CYTH3: variants seen among roughly 807,000 people sequenced by gnomAD.
CYTH3 encodes the protein cytohesin-3.
In CYTH3, 23 loss-of-function variants were observed where a neutral mutation model predicts 55.1. That is an observed-to-expected ratio of 0.42 (90% confidence interval 0.30 to 0.59). The LOEUF (loss-of-function observed/expected upper bound fraction) is 0.59, where lower values mean the gene tolerates loss of function less well. Ranked by LOEUF, CYTH3 falls within the 20% of genes least tolerant of loss-of-function variation. The probability of loss-of-function intolerance (pLI) is 0.20; values close to 1 mark genes in which losing one functional copy is unlikely to be tolerated. For synonymous variants in CYTH3, 249 were observed against 194.9 expected, an observed-to-expected ratio of 1.28 and a Z score of -2.31; for missense variants, 413 against 524.8, an observed-to-expected ratio of 0.79 and a Z score of 2.08.
At chr7:6,202,041 T>A (rs948995352) in intron 1 of CYTH3, among the ~76,000 whole-genome samples, 1 of 152,196 alleles carries the variant, frequency 6.6e-6, no homozygotes, top group Non-Finnish European at 1.5e-5. Flanking sequence ...ATTTTGAGGT[T>A]CCTCCTCTCA....
chr7:6,172,770 C>A, intron 6 of CYTH3: 13 of 1,264,382 alleles, frequency 1.0e-5, no homozygotes, highest in Non-Finnish European at 1.3e-5. Flanking sequence ...CTTCCAGAAA[C>A]GCAATCTGAT....
At chr7:6,235,602 C>T (rs1401673230) in intron 1 of CYTH3, among the ~76,000 whole-genome samples, 1 of 152,108 alleles carries the variant, frequency 6.6e-6, no homozygotes, top group Non-Finnish European at 1.5e-5. Flanking sequence ...CCGTACTTCT[C>T]AGAAACCTAC....
At chr7:6,179,060 C>T (rs1376092344) in intron 4 of CYTH3, among the ~76,000 whole-genome samples, 2 of 152,214 alleles carry the variant, frequency 1.3e-5, no homozygotes, top group African/African-American at 2.4e-5. Flanking sequence ...CATACCCTCA[C>T]GGTCCATCCA....
chr7:6,208,482 C>A (rs566100274), intron 1 of CYTH3, among the ~76,000 whole-genome samples: 11 of 152,240 alleles, frequency 7.2e-5, no homozygotes, highest in Non-Finnish European at 1.3e-4. Context: ...AAGGACATAG[C>A]CAGCTCCTTG....
At chr7:6,259,772 T>TATATATATAATA (rs1491219669) in intron 1 of CYTH3, among the ~76,000 whole-genome samples, 4 of 30,502 alleles carry the variant, frequency 1.3e-4, no homozygotes, top group Admixed American at 1.2e-3. Context: ...TATATATATA[T>TATATATATAATA]TATATATATA....
intron 1 of CYTH3, among the ~76,000 whole-genome samples, chr7:6,230,948 A>T (rs1416786011): frequency 6.6e-6 from 1 of 152,212 alleles, no homozygotes; most frequent in East Asian, 1.9e-4. Flanking sequence ...TTTCATCTTG[A>T]AATCAGTGAT....
intron 1 of CYTH3, among the ~76,000 whole-genome samples, chr7:6,197,856 C>T (rs1783970470): frequency 6.6e-6 from 1 of 152,086 alleles, no homozygotes; most frequent in Non-Finnish European, 1.5e-5. Context: ...CTTTGGGAAG[C>T]CAAAGCCAGA....
chr7:6,234,091 A>G (rs1779457725), intron 1 of CYTH3, among the ~76,000 whole-genome samples: 1 of 152,228 alleles, frequency 6.6e-6, no homozygotes, highest in Admixed American at 6.5e-5. Context: ...TTTGGAGTAC[A>G]TTAATATTCA....
At chr7:6,243,228 C>A (rs779477645) in intron 1 of CYTH3, among the ~76,000 whole-genome samples, 1 of 152,162 alleles carries the variant, frequency 6.6e-6, no homozygotes, top group East Asian at 1.9e-4. Context: ...GCAAACTGCC[C>A]TTGGTAAGAT....
At chr7:6,262,043 CAAT>C (rs1780365684) in intron 1 of CYTH3, among the ~76,000 whole-genome samples, 1 of 151,794 alleles carries the variant, frequency 6.6e-6, no homozygotes. Flanking sequence ...CTGGAAAAGA[CAAT>C]AATGGAAATT....
intron 1 of CYTH3, among the ~76,000 whole-genome samples, chr7:6,259,815 TATATATATATATATATA>T (rs1780295813): frequency 3.8e-5 from 1 of 26,110 alleles, no homozygotes; most frequent in Non-Finnish European, 5.2e-5. Flanking sequence ...ATATATATAA[TATATATATATATATATA>T]TTTTTTTTTT....
rs771110966 is a variant in CYTH3 at position 6,211,521 on chromosome 7, G to A, written c.35-20990C>T. 2.6e-4 allele frequency among the ~76,000 whole-genome samples: 39 copies of A among 152,210 alleles called. 1 individual carries two copies. Among genetic ancestry groups the A allele is most frequent in the Non-Finnish European group, 7.3e-5 (5 of 68,040 alleles). The stretch of plus-strand genomic sequence containing the variant: ...GCATAACACAGCTGGGCACAGTGGT[G>A]CACACCTATAGTCCTAGACTCTTAG... On this transcript the variant is annotated intron_variant, in intron 1 of 12. Transcript: ENST00000350796.
intron 1 of CYTH3, among the ~76,000 whole-genome samples, chr7:6,228,354 C>T (rs1372460150): frequency 6.6e-6 from 1 of 152,168 alleles, no homozygotes; most frequent in East Asian, 1.9e-4. Context: ...GACAGAACAA[C>T]ATATGTAACA....
In CYTH3 at chr7:6,165,436, G is replaced by C; in HGVS notation, c.973-9C>G. 1 of 1,611,304 alleles carries C rather than the reference G, an allele frequency of 6.2e-7. No individual in the cohort carries two copies. The highest frequency in any genetic ancestry group is 8.5e-7 in the Non-Finnish European group (1 of 1,178,158). ...TAGAGCTCAAAACAGTTCTGGTGGAGAAAGAGAGAGGGGAGGCGGTCAGGG... is the reference window on the plus strand; with the variant it reads ...TAGAGCTCAAAACAGTTCTGGTGGACAAAGAGAGAGGGGAGGCGGTCAGGG... On this transcript the variant is annotated splice_polypyrimidine_tract_variant and intron_variant, in intron 11 of 12. Transcript: ENST00000350796.
intron 1 of CYTH3, among the ~76,000 whole-genome samples, chr7:6,255,082 T>G (rs1780063840): frequency 6.6e-6 from 1 of 152,244 alleles, no homozygotes; most frequent in African/African-American, 2.4e-5. Context: ...TGCCTACTAT[T>G]ACAATCGTCG....
rs990600940 is a variant in CYTH3 at position 6,223,421 on chromosome 7, G to A, written c.35-32890C>T. On this transcript the variant is annotated intron_variant, in intron 1 of 12. Transcript: ENST00000350796. The stretch of plus-strand genomic sequence containing the variant: ...GGGAAATGTGGGGAAAAGAAAGAGA[G>A]ATCAGATTGTTACTGTGTCTGTGTA... Among the ~76,000 whole-genome samples, 9 of 152,220 alleles carry A rather than the reference G, an allele frequency of 5.9e-5. 1 individual carries two copies. The highest frequency in any genetic ancestry group is 9.6e-5 in the African/African-American group (4 of 41,454).
intron 1 of CYTH3, among the ~76,000 whole-genome samples, chr7:6,265,618 C>CAAAAA (rs111748997): frequency 1.8e-5 from 2 of 109,908 alleles, no homozygotes; most frequent in Non-Finnish European, 3.7e-5. Flanking sequence ...GACTCCATTT[C>CAAAAA]AAAAAAAAAA....
intron 1 of CYTH3, among the ~76,000 whole-genome samples, chr7:6,262,872 T>C (rs1286111273): frequency 2.0e-5 from 3 of 152,020 alleles, no homozygotes; most frequent in Admixed American, 6.6e-5. Context: ...TGAGCTATGA[T>C]GGCGTCACTG....
At chr7:6,264,728 A>T (rs752244854) in intron 1 of CYTH3, among the ~76,000 whole-genome samples, 1 of 152,374 alleles carries the variant, frequency 6.6e-6, no homozygotes, top group African/African-American at 2.4e-5. Flanking sequence ...GACACAAGTG[A>T]CTTCAACTTT....
Sources: allele counts gnomAD v4.1 joint callset (sites outside exome capture counted in the v4.1 genomes callset), GRCh38; gene constraint gnomAD v4.1.1; transcripts MANE v1.5; gene names NCBI Gene and HGNC (gene_info 2026-07-23, HGNC 2026-07-21).